EMG1: variants seen among roughly 807,000 people sequenced by gnomAD.
The protein encoded by EMG1 is ribosomal RNA small subunit methyltransferase NEP1.
A neutral mutation model predicts 26.9 loss-of-function variants in EMG1; 24 were observed. The observed-to-expected ratio is 0.89, with a 90% CI of 0.65 to 1.26. EMG1 has a LOEUF of 1.26. Ranked by LOEUF, EMG1 falls within the 50% of genes most tolerant of loss-of-function variation. The pLI is 0.00. For synonymous variants in EMG1, 140 were observed against 112.6 expected (o/e 1.24, Z -1.54); for missense variants, 299 against 307.6 (o/e 0.97, Z 0.21).
chr12:6,976,935 T>C lies in EMG1; in HGVS notation c.*1126T>C. The C allele has an allele frequency of 1.9e-6, 1 of 535,266 alleles. No homozygotes were observed. The highest frequency in any genetic ancestry group is 2.2e-5 in the South Asian group (1 of 44,748). 33.2% of individuals were successfully genotyped at this position (535,266 alleles called of 1,614,324 possible). ...TTGGAAGGCTGGTTAGTTACTCCTG[T>C]AATTCCTGGTCTATAGCCCTTCCAG... On this transcript the variant is annotated 3_prime_UTR_variant, in exon 6 of 6. Coordinates refer to ENST00000599672, the MANE Select transcript of EMG1 (RefSeq NM_006331.8).
downstream of EMG1, among the ~76,000 whole-genome samples, chr12:6,991,103 T>G (rs1248122556): frequency 6.6e-6 from 1 of 152,182 alleles, no homozygotes; most frequent in Non-Finnish European, 1.5e-5. Flanking sequence ...AGAATGCCAC[T>G]GTTTTACATT....
At chr12:6,992,590 T>G (rs1355232893), downstream of EMG1, among the ~76,000 whole-genome samples, 1 of 152,266 alleles carries the variant, frequency 6.6e-6, no homozygotes, top group Non-Finnish European at 1.5e-5. Flanking sequence ...TAAAGAAGTC[T>G]CAGGAACTTT....
Position 6,978,183 on chromosome 12 carries a change from AG to A in EMG1, c.*2380del, listed in dbSNP as rs1239429820. On this transcript the variant is annotated 3_prime_UTR_variant, in exon 6 of 6. Transcript: ENST00000599672. Reference sequence around the variant, plus strand: ...ATATGACAGTAATGGTTTTTTTGGGAGGGGGGTATAGGTGGGGGTCAAAGTC... The same window carrying A: ...ATATGACAGTAATGGTTTTTTTGGGAGGGGGTATAGGTGGGGGTCAAAGTC... 1.2e-5 allele frequency: 8 copies of A among 670,776 alleles called. No individual in the cohort carries two copies. The highest frequency in any genetic ancestry group is 1.8e-5 in the Non-Finnish European group (8 of 438,770). The allele number at this position is 670,776 out of a possible 1,614,324, so 41.6% of individuals were successfully genotyped here.
intron 5 of EMG1, 101 bp downstream of exon 5, chr12:6,975,479 G>A (rs1051241759): frequency 7.7e-7 from 1 of 1,302,502 alleles, no homozygotes; most frequent in Non-Finnish European, 1.1e-6. Context: ...TGAGCTAGAA[G>A]ACACATGACA....
At chr12:6,982,990 T>C, downstream of EMG1, 1 of 639,732 alleles carries the variant, frequency 1.6e-6, no homozygotes, top group Non-Finnish European at 2.8e-6. Context: ...CTTTTTTTGT[T>C]TGTTTTTTTA....
intron 1 of EMG1, among the ~76,000 whole-genome samples, chr12:6,971,856 G>A (rs1325820827): frequency 6.6e-6 from 1 of 152,022 alleles, no homozygotes; most frequent in East Asian, 1.9e-4. Flanking sequence ...TCCAGACCTG[G>A]TTATTATTTA....
chr12:6,986,795 CAAAAAAAAAAA>C (rs1157395768), intron 6 of EMG1, among the ~76,000 whole-genome samples: 13 of 33,924 alleles, frequency 3.8e-4, no homozygotes, highest in African/African-American at 1.3e-3. Context: ...GACTCTGTCT[CAAAAAAAAAAA>C]AAAAAAAAAA....
At chr12:6,981,577 C>A, downstream of EMG1, 2 of 1,613,312 alleles carry the variant, frequency 1.2e-6, no homozygotes, top group Non-Finnish European at 1.7e-6. Context: ...ACCTCTCTGC[C>A]GATGAATGGG....
chr12:6,992,133 G>A (rs782213028), downstream of EMG1, among the ~76,000 whole-genome samples: 3 of 151,870 alleles, frequency 2.0e-5, no homozygotes, highest in Non-Finnish European at 4.4e-5. Context: ...TAGCCTGGGC[G>A]ACAGAGTGAA....
Position 6,977,842 on chromosome 12 carries a change from G to T in EMG1, c.*2033G>T. 6.9e-7 allele frequency: 1 copy of T among 1,459,074 alleles called. No homozygotes were observed. Among genetic ancestry groups the T allele is most frequent in the Non-Finnish European group, 9.5e-7 (1 of 1,052,554 alleles). The allele number at this position is 1,459,074 out of a possible 1,614,324, so 90.4% of individuals were successfully genotyped here. A position where few individuals can be genotyped will look rare whatever the true frequency, so the allele number is the denominator to read the frequency against. ...CTCACCCTGAGGATTGGATTGGAGT[G>T]CTGGTGGGTTCCCACGTGTAGCCCC... On this transcript the variant is annotated 3_prime_UTR_variant, in exon 6 of 6. Transcript: ENST00000599672. The surrounding 1 kb of genome is among the most constrained non-coding windows in gnomAD (Gnocchi z 4.5).
Position 6,979,549 on chromosome 12 carries a change from C to G in EMG1, c.*3740C>G, listed in dbSNP as rs896312939. 6.8e-6 allele frequency: 11 copies of G among 1,613,966 alleles called. No individual in the cohort carries two copies. Among genetic ancestry groups the G allele is most frequent in the Middle Eastern group, 3.3e-4 (2 of 6,084 alleles). ...TGTAGCCCACTAGGTAGAAAAGGCC[C>G]AGACTCAGGCGCTTGAGAGCAGGAA... On this transcript the variant is annotated 3_prime_UTR_variant, in exon 6 of 6. Transcript: ENST00000599672.
At chr12:6,971,689 C>G (rs895412752) in intron 1 of EMG1, among the ~76,000 whole-genome samples, 2 of 152,300 alleles carry the variant, frequency 1.3e-5, no homozygotes, top group East Asian at 3.9e-4. Flanking sequence ...AGGAAAGTTT[C>G]GTTCCTTGCG....
chr12:6,984,386 T>C (rs1216606957), downstream of EMG1, among the ~76,000 whole-genome samples: 1 of 152,200 alleles, frequency 6.6e-6, no homozygotes, highest in Non-Finnish European at 1.5e-5. Context: ...AATTAGCACA[T>C]TCCATGGCTT....
At chr12:6,975,458 A>C in intron 5 of EMG1, 80 bp downstream of exon 5, 1 of 1,394,160 alleles carries the variant, frequency 7.2e-7, no homozygotes, top group Non-Finnish European at 9.7e-7. Context: ...GCATTTTAAC[A>C]ATGCTTACAA....
Position 6,979,311 on chromosome 12 carries a change from G to C in EMG1, c.*3502G>C, listed in dbSNP as rs976251242. On this transcript the variant is annotated 3_prime_UTR_variant, in exon 6 of 6. Transcript: ENST00000599672. The stretch of plus-strand genomic sequence containing the variant: ...TTGTTCAGTGCTGGCTGATGAACAT[G>C]TCCCAGCACGGCTGGCATTGACAAC... 4.1e-5 allele frequency: 26 copies of C among 630,998 alleles called. No homozygotes were observed. Among genetic ancestry groups the C allele is most frequent in the East Asian group, 2.7e-5 (1 of 36,470 alleles). 39.1% of individuals were successfully genotyped at this position (630,998 alleles called of 1,614,324 possible). A position where few individuals can be genotyped will look rare whatever the true frequency, so the allele number is the denominator to read the frequency against.
At chr12:6,973,859 G>C (rs943396666) in intron 1 of EMG1, among the ~76,000 whole-genome samples, 4 of 152,198 alleles carry the variant, frequency 2.6e-5, no homozygotes, top group Non-Finnish European at 1.5e-5. Context: ...TTCTTGTTCA[G>C]ATTTGCAGCT....
Position 6,978,342 on chromosome 12 carries a change from G to A in EMG1, c.*2533G>A, listed in dbSNP as rs782146370. On this transcript the variant is annotated 3_prime_UTR_variant, in exon 6 of 6. Transcript: ENST00000599672. ...CCAGGCTCCCCACCAGCAGCTCACC[G>A]GGCCACCCAGGCGTTGGTGTTGATG... 1.7e-5 allele frequency: 27 copies of A among 1,606,268 alleles called. No individual in the cohort carries two copies. Among genetic ancestry groups the A allele is most frequent in the Non-Finnish European group, 2.2e-5 (26 of 1,175,604 alleles).
At chr12:6,981,027 G>A (rs1946466063), downstream of EMG1, 8 of 1,603,548 alleles carry the variant, frequency 5.0e-6, no homozygotes, top group Non-Finnish European at 6.8e-6. Flanking sequence ...TTCCTGGTAT[G>A]TCAATCAGCT....
chr12:6,971,518 C>T (rs1946328506), intron 1 of EMG1, among the ~76,000 whole-genome samples: 2 of 152,280 alleles, frequency 1.3e-5, no homozygotes, highest in African/African-American at 4.8e-5. Flanking sequence ...TCAAGTGATC[C>T]GCCCGCCTCG....
Sources: gnomAD v4.1 joint callset for allele counts (sites outside exome capture counted in the v4.1 genomes callset) on GRCh38, gnomAD v4.1.1 for gene constraint, Gnocchi (gnomAD v3.1) non-coding constraint, MANE v1.5 for transcripts, NCBI Gene and HGNC (gene_info 2026-07-23, HGNC 2026-07-21) for gene names.